Variants in PHLPP2 observed in about 807,000 individuals in gnomAD.
The protein encoded by PHLPP2 is PH domain and leucine rich repeat protein phosphatase 2.
In PHLPP2, 66 loss-of-function variants were observed where a neutral mutation model predicts 124.9. The observed-to-expected ratio is 0.53, with a 90% CI of 0.43 to 0.65. The LOEUF is 0.65. Ranked by LOEUF, PHLPP2 falls within the 30% of genes least tolerant of loss-of-function variation. The pLI is 0.00. For synonymous variants in PHLPP2, 681 were observed against 624.7 expected, an observed-to-expected ratio of 1.09 and a Z score of -1.34; for missense variants, 1,685 against 1,600.4, an observed-to-expected ratio of 1.05 and a Z score of -0.90.
chr16:71,654,223 A>C (rs1404801986), intron 17 of PHLPP2, among the ~76,000 whole-genome samples: 2 of 141,902 alleles, frequency 1.4e-5, no homozygotes, highest in Non-Finnish European at 3.2e-5. Flanking sequence ...AAAAAAAAAA[A>C]AAAAACTAGT....
chr16:71,684,992 T>A (rs74249746), intron 4 of PHLPP2, among the ~76,000 whole-genome samples: 3 of 152,244 alleles, frequency 2.0e-5, no homozygotes, highest in African/African-American at 7.2e-5. Context: ...CCCATTCCTA[T>A]TGGAGCGGTG....
chr16:71,711,226 G>A (rs2045321743), intron 2 of PHLPP2, among the ~76,000 whole-genome samples: 1 of 152,034 alleles, frequency 6.6e-6, no homozygotes, highest in African/African-American at 2.4e-5. Context: ...AGCAACTCAG[G>A]AGGCTGAGGC....
chr16:71,661,869 T>C (rs1264141029), intron 13 of PHLPP2, among the ~76,000 whole-genome samples: 3 of 151,896 alleles, frequency 2.0e-5, no homozygotes, highest in East Asian at 2.0e-4. Context: ...CGTTGCCAGG[T>C]TGGAGTTGCA....
chr16:71,702,927 A>G (rs913282543), intron 2 of PHLPP2, among the ~76,000 whole-genome samples, 196 bp from the exon 3 acceptor site: 22 of 151,914 alleles, frequency 1.4e-4, no homozygotes, highest in African/African-American at 5.3e-4. Context: ...TCATTAAGTA[A>G]TTTCTCATCC....
Position 71,649,847 on chromosome 16 carries a change from G to C in PHLPP2, c.3015C>G (p.Asp1005Glu). The C allele has an allele frequency of 6.2e-7, 1 of 1,614,078 alleles. No homozygotes were observed. Among genetic ancestry groups the C allele is most frequent in the Non-Finnish European group, 8.5e-7 (1 of 1,179,906 alleles). ...EAVNAVRHVQ[D>E]PLAAAKKLCT... is the part of the protein sequence containing the mutation. Reference sequence around the variant, plus strand: ...ACAGCTTCTTAGCAGCTGCTAATGGGTCTTGTACGTGACGTACAGCATTGA... The same window carrying C: ...ACAGCTTCTTAGCAGCTGCTAATGGCTCTTGTACGTGACGTACAGCATTGA... Residue 1005 changes from aspartate to glutamate, a missense_variant, in exon 19 of 19, where the codon GAC (aspartate) becomes GAG (glutamate). Asp to Glu is a conservative substitution (Grantham distance 45). Coordinates refer to ENST00000568954, the MANE Select transcript of PHLPP2 (RefSeq NM_015020.3).
rs2044976766 is a variant in PHLPP2 at position 71,679,454 on chromosome 16, C to A, written c.972G>T (p.Leu324=). The change falls in exon 7 of 19, where the codon CTG becomes CTT. Residue 324 remains leucine (L), a synonymous_variant. Coordinates refer to ENST00000568954, the MANE Select transcript of PHLPP2 (RefSeq NM_015020.3). ...CATTACAGGAAAGGTTGAGCTCAGTCAGGGTAGAGATCTCGCATAACAATA... is the reference window on the plus strand; with the variant it reads ...CATTACAGGAAAGGTTGAGCTCAGTAAGGGTAGAGATCTCGCATAACAATA... The part of the protein sequence containing the change: ...FPILLCEIST[L]TELNLSCNGF... 6.2e-7 allele frequency: 1 copy of A among 1,613,698 alleles called. No individual in the cohort carries two copies. The highest frequency in any genetic ancestry group is 2.2e-5 in the East Asian group (1 of 44,862).
In PHLPP2 at chr16:71,655,348, T is replaced by C; in HGVS notation, c.2477A>G (p.Glu826Gly). ...CGTACACTGCAGCAGGCGCGGGAGC[T>C]CCTCATTTCGGTCTCCATCAAACAT... ...YGMFDGDRNEELPRLLQCTMA... is the reference protein window; with the variant it reads ...YGMFDGDRNEGLPRLLQCTMA... The change falls in exon 17 of 19, where the codon GAG becomes GGG. Residue 826 changes from glutamate (E) to glycine (G), a missense_variant. By Grantham distance (98) the Glu-to-Gly change is moderately conservative. Coordinates refer to ENST00000568954, the MANE Select transcript of PHLPP2 (RefSeq NM_015020.3). 1.9e-6 allele frequency: 3 copies of C among 1,613,684 alleles called. No individual in the cohort carries two copies. The highest frequency in any genetic ancestry group is 2.5e-6 in the Non-Finnish European group (3 of 1,179,678).
chr16:71,645,032 A>C lies in PHLPP2; in HGVS notation c.*3858T>G. ...CAACATGCTCTGGCTCATATTATTG[A>C]ATTAAAAAATTTAACACATTTCAAA... On this transcript the variant is annotated 3_prime_UTR_variant, in exon 19 of 19. Transcript: ENST00000568954. The C allele has an allele frequency of 3.6e-6, 1 of 274,448 alleles. No homozygotes were observed. The highest frequency in any genetic ancestry group is 3.4e-5 in the South Asian group (1 of 29,048). The allele number at this position is 274,448 out of a possible 1,614,324, so 17.0% of individuals were successfully genotyped here.
intron 3 of PHLPP2, among the ~76,000 whole-genome samples, chr16:71,699,936 C>T (rs1012738257): frequency 1.2e-4 from 18 of 152,208 alleles, no homozygotes; most frequent in Non-Finnish European, 2.2e-4. Context: ...CAACAGACCC[C>T]AGTGAACACG....
In PHLPP2 at chr16:71,645,607, T is replaced by C. The variant is rs577805964; in HGVS notation, c.*3283A>G. The C allele has an allele frequency of 6.5e-6, 1 of 153,104 alleles. No individual in the cohort carries two copies. The highest frequency in any genetic ancestry group is 2.1e-4 in the South Asian group (1 of 4,834). The allele number at this position is 153,104 out of a possible 1,614,324, so 9.5% of individuals were successfully genotyped here. A position where few individuals can be genotyped will look rare whatever the true frequency, so the allele number is the denominator to read the frequency against. ...GGTCTACATGGGAAGAAGAGCATCA[T>C]TTGATATTCAGTAGATCTGCCACAC... On this transcript the variant is annotated 3_prime_UTR_variant, in exon 19 of 19. Transcript: ENST00000568954.
At chr16:71,661,565 T>C (rs1596991801) in intron 13 of PHLPP2, among the ~76,000 whole-genome samples, 1 of 152,112 alleles carries the variant, frequency 6.6e-6, no homozygotes, top group South Asian at 2.1e-4. Flanking sequence ...TGAGGTCAAT[T>C]AGGTTAATCT....
chr16:71,717,335 G>A (rs2045369987), intron 1 of PHLPP2, among the ~76,000 whole-genome samples: 1 of 152,170 alleles, frequency 6.6e-6, no homozygotes, highest in African/African-American at 2.4e-5. Flanking sequence ...AAAAACAAGA[G>A]TAAGAATGGC....
intron 3 of PHLPP2, among the ~76,000 whole-genome samples, chr16:71,701,732 T>TAAA (rs1373062373): frequency 1.4e-5 from 2 of 140,926 alleles, no homozygotes; most frequent in African/African-American, 5.3e-5. Context: ...AGGTTTTAGT[T>TAAA]ATCTGCAGTC....
rs2044763550 is a variant in PHLPP2, at chr16:71,658,820, A to G, written c.1986-5T>C. ...TGCTCCAATTTATTTAGTTTGCTGA[A>G]AAAGAAACAACAGAATACTATAATG... On this transcript the variant is annotated splice_polypyrimidine_tract_variant and splice_region_variant and intron_variant, in intron 13 of 18. Transcript: ENST00000568954. The G allele has an allele frequency of 1.9e-6, 3 of 1,613,804 alleles. No homozygotes were observed. The highest frequency in any genetic ancestry group is 2.5e-6 in the Non-Finnish European group (3 of 1,179,738).
intron 2 of PHLPP2, among the ~76,000 whole-genome samples, chr16:71,713,544 G>A (rs1441530495): frequency 6.6e-6 from 1 of 152,118 alleles, no homozygotes; most frequent in East Asian, 1.9e-4. Flanking sequence ...ACTTCTTGTA[G>A]TAGCAAAAAA....
At chr16:71,694,547 TAA>T (rs1443169692) in intron 3 of PHLPP2, among the ~76,000 whole-genome samples, 1 of 151,788 alleles carries the variant, frequency 6.6e-6, no homozygotes, top group African/African-American at 2.4e-5. Flanking sequence ...ATAAATAAAA[TAA>T]AAAGTTACAG....
At chr16:71,661,273 G>C (rs1487437562) in intron 13 of PHLPP2, among the ~76,000 whole-genome samples, 1 of 151,950 alleles carries the variant, frequency 6.6e-6, no homozygotes, top group African/African-American at 2.4e-5. Flanking sequence ...GTTTCACCAT[G>C]TTGCCCAGGC....
chr16:71,691,938 A>C (rs1370392452), intron 3 of PHLPP2, among the ~76,000 whole-genome samples: 1 of 150,344 alleles, frequency 6.7e-6, no homozygotes, highest in Admixed American at 6.6e-5. Flanking sequence ...TCTTAAAAAC[A>C]AAAAAAAACA....
intron 3 of PHLPP2, among the ~76,000 whole-genome samples, chr16:71,701,506 C>T (rs1211079928): frequency 1.3e-5 from 2 of 152,160 alleles, no homozygotes; most frequent in African/African-American, 4.8e-5. Flanking sequence ...GTACTACAAA[C>T]TGGTACTCTT....
Sources: gnomAD v4.1 joint callset for allele counts (sites outside exome capture counted in the v4.1 genomes callset) on GRCh38, gnomAD v4.1.1 for gene constraint, MANE v1.5 for transcripts, NCBI Gene and HGNC (gene_info 2026-07-23, HGNC 2026-07-21) for gene names.